The following CNKSR2 variants were observed in gnomAD, a reference collection of about 807,000 sequenced individuals.
The protein encoded by CNKSR2 is connector enhancer of kinase suppressor of Ras 2, also known as CNK homolog protein 2.
In CNKSR2, 14 loss-of-function variants were observed where a neutral mutation model predicts 84.4. The observed-to-expected ratio is 0.17, with a 90% CI of 0.11 to 0.26. The LOEUF is 0.26. Among genes scored for constraint, CNKSR2 ranks in the 10% least tolerant of loss-of-function variants. The probability of loss-of-function intolerance (pLI) is 1.00; values close to 1 mark genes in which losing one functional copy is unlikely to be tolerated. For missense variants in CNKSR2, 485 were observed against 771.2 expected (o/e 0.63, Z 4.40); for synonymous variants, 275 against 277.9 (o/e 0.99, Z 0.10).
intron 11 of CNKSR2, among the ~76,000 whole-genome samples, chrX:21,535,786 T>C (rs1211741559): frequency 7.2e-5 from 8 of 111,367 alleles, no homozygotes; most frequent in African/African-American, 2.6e-4. Context: ...TAGGTTTTTC[T>C]ATATATAAGA....
intron 20 of CNKSR2, among the ~76,000 whole-genome samples, chrX:21,627,019 A>G (rs1205848222): frequency 8.9e-6 from 1 of 112,016 alleles, no homozygotes; most frequent in Non-Finnish European, 1.9e-5. Flanking sequence ...GACATGGCTT[A>G]CCATGATGAC....
intron 1 of CNKSR2, among the ~76,000 whole-genome samples, chrX:21,400,697 T>C (rs1016739474): frequency 7.1e-4 from 79 of 111,567 alleles, no homozygotes; most frequent in African/African-American, 2.4e-3. Flanking sequence ...TAAGATCAGA[T>C]ATTTCCTTTT....
chrX:21,539,831 ATGTAGATACT>A lies in CNKSR2; in HGVS notation c.1303+7776_1303+7785del, dbSNP rs2091961710. On this transcript the variant is annotated intron_variant, in intron 11 of 21. Coordinates refer to ENST00000379510, the MANE Select transcript of CNKSR2 (RefSeq NM_014927.5). ...TGAAACTGAAACAAATATAACCTTA[ATGTAGATACT>A]TGTAGATACTTCACTGGAGATTCCT... Among the ~76,000 whole-genome samples, 3 of 111,713 alleles carry A rather than the reference ATGTAGATACT, an allele frequency of 2.7e-5. No homozygotes were observed. The Admixed American group carries it at 2.9e-4, about 11-fold the overall frequency.
At chrX:21,545,813 C>A (rs910051429) in intron 11 of CNKSR2, among the ~76,000 whole-genome samples, 13 of 112,116 alleles carry the variant, frequency 1.2e-4, no homozygotes, top group Admixed American at 9.4e-4. Context: ...CAAACTCCAG[C>A]AGACCTGCAC....
intron 17 of CNKSR2, among the ~76,000 whole-genome samples, chrX:21,599,962 A>G (rs184142933): frequency 9.5e-4 from 106 of 111,794 alleles, no homozygotes; most frequent in African/African-American, 3.2e-3. Flanking sequence ...GTGTGTCTAT[A>G]TATATACCAT....
chrX:21,634,838 G>GACAAAAGTTCACAAAGATCTAT (rs1290691269), intron 20 of CNKSR2, among the ~76,000 whole-genome samples: 1 of 106,899 alleles, frequency 9.4e-6, no homozygotes, highest in Non-Finnish European at 1.9e-5. Flanking sequence ...AGACCTGTAG[G>GACAAAAGTTCACAAAGATCTAT]ACAAAAGTTC....
intron 1 of CNKSR2, among the ~76,000 whole-genome samples, chrX:21,393,503 A>G (rs2090079372): frequency 8.9e-6 from 1 of 112,379 alleles, no homozygotes; most frequent in African/African-American, 3.2e-5. Context: ...TTTAGAATTT[A>G]TCTCGGGTTA....
At chrX:21,628,755 C>T (rs2147315545) in intron 20 of CNKSR2, among the ~76,000 whole-genome samples, 1 of 111,548 alleles carries the variant, frequency 9.0e-6, no homozygotes, top group Non-Finnish European at 1.9e-5. Context: ...CCACTTTTTC[C>T]TCCTAAATCT....
intron 11 of CNKSR2, among the ~76,000 whole-genome samples, chrX:21,533,941 C>A (rs1332007866): frequency 9.0e-6 from 1 of 110,665 alleles, no homozygotes; most frequent in Admixed American, 9.6e-5. Context: ...TGGGAACATT[C>A]GAAATCTTCT....
intron 4 of CNKSR2, among the ~76,000 whole-genome samples, chrX:21,453,533 A>G (rs759451428): frequency 7.6e-4 from 85 of 111,318 alleles, no homozygotes; most frequent in Non-Finnish European, 1.2e-3. Context: ...TAGATTTCCA[A>G]AGTTTTCCCT....
At chrX:21,643,276 G>A (rs1358809283) in intron 20 of CNKSR2, 1 of 110,870 alleles carries the variant, frequency 9.0e-6, no homozygotes, top group Non-Finnish European at 1.9e-5. Context: ...CTTCTTTGGG[G>A]CAATAAATCA....
intron 1 of CNKSR2, chrX:21,423,667 C>A (rs944631223): frequency 1.8e-5 from 2 of 111,505 alleles, no homozygotes; most frequent in Non-Finnish European, 3.8e-5. Flanking sequence ...TTTCTCAGGT[C>A]AACATGTATT....
At chrX:21,628,028 C>G (rs968853939) in intron 20 of CNKSR2, among the ~76,000 whole-genome samples, 5 of 111,687 alleles carry the variant, frequency 4.5e-5, no homozygotes, top group African/African-American at 1.6e-4. Flanking sequence ...CTCCTAGATA[C>G]ACTGGGGGGT....
At chrX:21,641,307 AAAC>A (rs2092690757) in intron 20 of CNKSR2, among the ~76,000 whole-genome samples, 1 of 112,030 alleles carries the variant, frequency 8.9e-6, no homozygotes, top group Admixed American at 9.5e-5. Flanking sequence ...TAACATTTCC[AAAC>A]AACCAAAGTT....
At chrX:21,576,582 TA>T (rs1485094108) in intron 13 of CNKSR2, among the ~76,000 whole-genome samples, 3 of 111,364 alleles carry the variant, frequency 2.7e-5, no homozygotes, top group Non-Finnish European at 5.7e-5. Flanking sequence ...TTTTTTAATT[TA>T]AAAAATTGAC....
intron 20 of CNKSR2, among the ~76,000 whole-genome samples, chrX:21,647,477 G>A (rs1321966563): frequency 8.9e-6 from 1 of 111,788 alleles, no homozygotes; most frequent in Non-Finnish European, 1.9e-5. Context: ...GGCATCTACT[G>A]CTAAATACAC....
chrX:21,522,611 A>G (rs1034694485), intron 9 of CNKSR2, among the ~76,000 whole-genome samples: 18 of 111,003 alleles, frequency 1.6e-4, no homozygotes, highest in Admixed American at 1.5e-3. Flanking sequence ...TTAAGACTAT[A>G]GAGATTTCAC....
At chrX:21,545,955 C>T (rs1214964726) in intron 11 of CNKSR2, among the ~76,000 whole-genome samples, 1 of 111,733 alleles carries the variant, frequency 8.9e-6, no homozygotes, top group African/African-American at 3.3e-5. Context: ...GATAAATCCA[C>T]GAAGATGAAG....
chrX:21,498,318 G>A (rs1038547990), intron 7 of CNKSR2, among the ~76,000 whole-genome samples: 2 of 111,478 alleles, frequency 1.8e-5, no homozygotes, highest in Admixed American at 9.6e-5. Flanking sequence ...CCTCCCTTTG[G>A]AACTTGCTAT....
Sources: allele counts gnomAD v4.1 joint callset (sites outside exome capture counted in the v4.1 genomes callset), GRCh38; gene constraint gnomAD v4.1.1; transcripts MANE v1.5; gene names NCBI Gene and HGNC (gene_info 2026-07-23, HGNC 2026-07-21).